The following ABCB8 variants were observed in gnomAD, a reference collection of about 807,000 sequenced individuals.
The protein encoded by ABCB8 is ATP binding cassette subfamily B member 8.
ABCB8 carries 52 observed loss-of-function variants against 73.0 expected under a neutral mutation model. The ratio of observed to expected loss-of-function variants is 0.71; its 90% CI spans 0.57 to 0.90. The LOEUF (loss-of-function observed/expected upper bound fraction) is 0.90, where lower values mean the gene tolerates loss of function less well. Among genes scored for constraint, ABCB8 ranks in the 40% least tolerant of loss-of-function variants. The probability of loss-of-function intolerance (pLI) is 0.00; values close to 1 mark genes in which losing one functional copy is unlikely to be tolerated. For missense variants in ABCB8, 909 were observed against 974.6 expected (o/e 0.93, Z 0.90); for synonymous variants, 428 against 423.5 (o/e 1.01, Z -0.13).
At position 151,035,944 on chromosome 7, in the gene ABCB8, C is replaced by T. The variant is rs1140980; in HGVS notation, c.990C>T (p.Phe330=). 31 of 1,613,816 alleles carry T rather than the reference C, an allele frequency of 1.9e-5. No individual in the cohort carries two copies. Among genetic ancestry groups the T allele is most frequent in the Non-Finnish European group, 2.2e-5 (26 of 1,180,024 alleles). The change falls in exon 7 of 16, where the codon TTC becomes TTT. Residue 330 remains phenylalanine, a synonymous_variant. Coordinates refer to ENST00000358849, the MANE Select transcript of ABCB8 (RefSeq NM_007188.5). The part of the protein sequence containing the change: ...ALGNVRTVRA[F]AMEQREEERY... ...GCAATGTGCGGACTGTGCGTGCCTT[C>T]GCCATGGAGCAACGGGAAGAGGAGT...
Position 151,044,066 on chromosome 7 carries a change from G to A in ABCB8, c.1861G>A (p.Ala621Thr), listed in dbSNP as rs1419202856. The change falls in exon 15 of 16, where the codon GCT becomes ACT. Residue 621 changes from alanine (A) to threonine (T), a missense_variant. Physicochemically the swap from Ala to Thr is moderately conservative, Grantham distance 58. Coordinates refer to ENST00000358849, the MANE Select transcript of ABCB8 (RefSeq NM_007188.5). ...GCCCACGGTGCTGATACTGGATGAA[G>A]CTACCAGCGCGCTGGATGCAGAGTC... ...KQPTVLILDE[A>T]TSALDAESER... The A allele has an allele frequency of 6.2e-7, 1 of 1,613,690 alleles. No individual in the cohort carries two copies. The highest frequency in any genetic ancestry group is 2.2e-5 in the East Asian group (1 of 44,878).
At chr7:151,040,699 G>T in intron 11 of ABCB8, 65 bp downstream of exon 11, 1 of 1,600,322 alleles carries the variant, frequency 6.2e-7, no homozygotes, top group South Asian at 1.1e-5. Flanking sequence ...GTGGATTCGG[G>T]GGTGGAGGTC....
chr7:151,034,255 T>C lies in ABCB8; in HGVS notation c.409-18T>C. On this transcript the variant is annotated intron_variant, in intron 2 of 15. Transcript: ENST00000358849. Reference sequence around the variant, plus strand: ...TCCCCCACTTAAAACATTTGTGCCCTCTGTCTCCCCATTCCAGCTGGCCTT... The same window carrying C: ...TCCCCCACTTAAAACATTTGTGCCCCCTGTCTCCCCATTCCAGCTGGCCTT... The C allele has an allele frequency of 6.2e-7, 1 of 1,603,098 alleles. No individual in the cohort carries two copies. The highest frequency in any genetic ancestry group is 8.5e-7 in the Non-Finnish European group (1 of 1,174,742).
At chr7:151,031,230 C>T (rs370959772) in intron 1 of ABCB8, 15 of 1,495,452 alleles carry the variant, frequency 1.0e-5, no homozygotes, top group Non-Finnish European at 1.4e-5. Context: ...ATATAATTTC[C>T]TGCCTTTCAG....
rs1796322784 is a variant in ABCB8 at position 151,036,809 on chromosome 7, C to A, written c.1217+160C>A. ...GGATGCATAGGGTGGGGAGAGAGAG[C>A]CCCTCAGGGCCCATAACAACCCTCC... On this transcript the variant is annotated intron_variant, in intron 9 of 15. Coordinates refer to ENST00000358849, the MANE Select transcript of ABCB8 (RefSeq NM_007188.5). The A allele has an allele frequency of 5.2e-6, 4 of 763,400 alleles. No homozygotes were observed. The Admixed American group carries it at 5.4e-5, about 10-fold the overall frequency. The allele number at this position is 763,400 out of a possible 1,614,324, so 47.3% of individuals were successfully genotyped here.
chr7:151,044,065 A>G lies in ABCB8; in HGVS notation c.1860A>G (p.Glu620=). 6.2e-7 allele frequency: 1 copy of G among 1,613,664 alleles called. No homozygotes were observed. Among genetic ancestry groups the G allele is most frequent in the Non-Finnish European group, 8.5e-7 (1 of 1,179,970 alleles). ...IKQPTVLILD[E]ATSALDAESE... ...AGCCCACGGTGCTGATACTGGATGAAGCTACCAGCGCGCTGGATGCAGAGT... is the reference window on the plus strand; with the variant it reads ...AGCCCACGGTGCTGATACTGGATGAGGCTACCAGCGCGCTGGATGCAGAGT... The change falls in exon 15 of 16, where the codon GAA becomes GAG. Residue 620 remains glutamate (E), a synonymous_variant. Transcript: ENST00000358849.
rs1478243743 is a variant in ABCB8 at position 151,033,664 on chromosome 7, A to C, written c.155A>C (p.Gln52Pro). ...LLRAVAHLRS[Q>P]LWAHLPRAPL... is the part of the protein sequence containing the mutation. ...CGGGCCGTGGCCCACCTGCGGTCCC[A>C]GCTCTGGGCCCACCTCCCTCGAGCC... The change falls in exon 2 of 16, where the codon CAG becomes CCG. Residue 52 changes from glutamine to proline, a missense_variant. By Grantham distance (76) the Gln-to-Pro change is moderately conservative (BLOSUM62 -1). Transcript: ENST00000358849. The C allele has an allele frequency of 6.2e-7, 1 of 1,607,924 alleles. No individual in the cohort carries two copies. Among genetic ancestry groups the C allele is most frequent in the Admixed American group, 1.7e-5 (1 of 59,488 alleles).
In ABCB8 at chr7:151,046,733, A is replaced by G. The variant is rs4148854; in HGVS notation, c.*1384A>G. On this transcript the variant is annotated 3_prime_UTR_variant, in exon 16 of 16. Coordinates refer to ENST00000358849, the MANE Select transcript of ABCB8 (RefSeq NM_007188.5). ...TGGTACCCTCTTTCAGGGGTGTGATACAGTGCATTGATGGAGCAGCTGGTG... is the reference window on the plus strand; with the variant it reads ...TGGTACCCTCTTTCAGGGGTGTGATGCAGTGCATTGATGGAGCAGCTGGTG... The G allele has an allele frequency of 0.69, 104,795 of 152,154 alleles. 36,804 individuals are homozygous for G. Among genetic ancestry groups the G allele is most frequent in the African/African-American group, 0.83 (34,497 of 41,526 alleles). 9.4% of individuals were successfully genotyped at this position (152,154 alleles called of 1,614,324 possible). A position where few individuals can be genotyped will look rare whatever the true frequency, so the allele number is the denominator to read the frequency against.
chr7:151,028,606 G>A lies in ABCB8; in HGVS notation c.91G>A (p.Val31Ile), dbSNP rs1467075441. 4 of 1,613,490 alleles carry A rather than the reference G, an allele frequency of 2.5e-6. No individual in the cohort carries two copies. Among genetic ancestry groups the A allele is most frequent in the South Asian group, 1.1e-5 (1 of 91,028 alleles). The change falls in exon 1 of 16, where the codon GTC becomes ATC. Residue 31 changes from valine to isoleucine, a missense_variant. Transcript: ENST00000358849. ...CCTCCGCTTCCAGACATTCTCAGCT[G>A]TCAGGTAAAAACGGAAAAACCTACT... ...PPLRFQTFSA[V>I]RYSDGYRSSS...
At position 151,034,799 on chromosome 7, in the gene ABCB8, T is replaced by C. The variant is rs754991894; in HGVS notation, c.735T>C (p.Phe245=). The C allele has an allele frequency of 3.7e-6, 6 of 1,613,862 alleles. No individual in the cohort carries two copies. Among genetic ancestry groups the C allele is most frequent in the African/African-American group, 2.7e-5 (2 of 74,914 alleles). Reference sequence around the variant, plus strand: ...GCTTGACAACTGACGTGCAGGAGTTTAAGTCATCCTTCAAGCTTGTCATCT... The same window carrying C: ...GCTTGACAACTGACGTGCAGGAGTTCAAGTCATCCTTCAAGCTTGTCATCT... The part of the protein sequence containing the change: ...VSRLTTDVQE[F]KSSFKLVISQ... Residue 245 remains phenylalanine, a synonymous_variant, in exon 5 of 16, where the codon TTT becomes TTC. Coordinates refer to ENST00000358849, the MANE Select transcript of ABCB8 (RefSeq NM_007188.5).
chr7:151,040,839 G>A lies in ABCB8; in HGVS notation c.1400G>A (p.Arg467His), dbSNP rs774962122. The change falls in exon 12 of 16, where the codon CGC becomes CAC. Residue 467 changes from arginine to histidine, a missense_variant. Coordinates refer to ENST00000358849, the MANE Select transcript of ABCB8 (RefSeq NM_007188.5). ...TCGGCTCCTCCCAGCTACCCCTGCC[G>A]CCCCGGCTTCGAGGTGCTGAAAGAC... ...FQNVCFSYPC[R>H]PGFEVLKDFT... 5.6e-6 allele frequency: 9 copies of A among 1,594,852 alleles called. No individual in the cohort carries two copies. Among genetic ancestry groups the A allele is most frequent in the African/African-American group, 4.0e-5 (3 of 74,474 alleles).
intron 9 of ABCB8, 147 bp downstream of exon 9, chr7:151,036,796 T>G: frequency 1.3e-6 from 1 of 794,570 alleles, no homozygotes; most frequent in Non-Finnish European, 2.2e-6. Context: ...ATGCATAGGG[T>G]GGGGAGAGAG....
chr7:151,036,705 G>A (rs1796319876), intron 9 of ABCB8, 56 bp downstream of exon 9: 5 of 1,457,582 alleles, frequency 3.4e-6, no homozygotes, highest in South Asian at 1.2e-5. Flanking sequence ...CCAGAGCCCT[G>A]CTGGGTTAGG....
In ABCB8 at chr7:151,035,937, G is replaced by T. The variant is rs778422625; in HGVS notation, c.983G>T (p.Arg328Leu). 6.2e-7 allele frequency: 1 copy of T among 1,613,866 alleles called. No homozygotes were observed. Among genetic ancestry groups the T allele is most frequent in the Admixed American group, 1.7e-5 (1 of 60,024 alleles). The change falls in exon 7 of 16, where the codon CGT becomes CTT. Residue 328 changes from arginine (R) to leucine (L), a missense_variant. Physicochemically the swap from Arg to Leu is moderately radical, Grantham distance 102. Coordinates refer to ENST00000358849, the MANE Select transcript of ABCB8 (RefSeq NM_007188.5). ...DEALGNVRTVRAFAMEQREEE... is the reference protein window; with the variant it reads ...DEALGNVRTVLAFAMEQREEE... The stretch of plus-strand genomic sequence containing the variant: ...GCCCTGGGCAATGTGCGGACTGTGC[G>T]TGCCTTCGCCATGGAGCAACGGGAA...
At chr7:151,032,801 A>T (rs1302289741) in intron 1 of ABCB8, 1 of 331,708 alleles carries the variant, frequency 3.0e-6, no homozygotes, top group Non-Finnish European at 6.1e-6. Flanking sequence ...AGATGACAAG[A>T]TAAGTTATTA....
Position 151,028,483 on chromosome 7 carries a change from T to G in ABCB8, c.-33T>G. ...CTCAGTGGGATGAGGGTGAAACTGC[T>G]ATTGCCGGCGGCTCCTGTTTTACCG... On this transcript the variant is annotated 5_prime_UTR_variant, in exon 1 of 16. Coordinates refer to ENST00000358849, the MANE Select transcript of ABCB8 (RefSeq NM_007188.5). The G allele has an allele frequency of 6.3e-7, 1 of 1,597,926 alleles. No individual in the cohort carries two copies. Among genetic ancestry groups the G allele is most frequent in the Non-Finnish European group, 8.5e-7 (1 of 1,172,456 alleles).
At chr7:151,043,437 G>T (rs1170583288) in intron 14 of ABCB8, among the ~76,000 whole-genome samples, 3 of 147,248 alleles carry the variant, frequency 2.0e-5, no homozygotes, top group African/African-American at 7.7e-5. Context: ...AGTGCGGGGT[G>T]GGGGTCAGAG....
Position 151,045,250 on chromosome 7 carries a change from C to G in ABCB8, c.2058C>G (p.Tyr686Ter), listed in dbSNP as rs754747368. 6.2e-7 allele frequency: 1 copy of G among 1,602,960 alleles called. No individual in the cohort carries two copies. Residue 686 changes from tyrosine to a stop codon, truncating the protein, a stop_gained, in exon 16 of 16, where the codon TAC becomes TAG. Coordinates refer to ENST00000358849, the MANE Select transcript of ABCB8 (RefSeq NM_007188.5). LOFTEE classifies it low-confidence loss of function (END_TRUNC). ...HEELLKKGGL[Y>*]AELIRRQALD... ...AGCTCCTGAAGAAAGGCGGGCTATA[C>G]GCCGAGCTCATCCGGAGGCAGGCCC...
intron 9 of ABCB8, 142 bp downstream of exon 9, chr7:151,036,791 T>A: frequency 1.2e-6 from 1 of 805,276 alleles, no homozygotes; most frequent in South Asian, 1.4e-5. Context: ...CAGGGATGCA[T>A]AGGGTGGGGA....
Sources: gnomAD v4.1 joint callset for allele counts (sites outside exome capture counted in the v4.1 genomes callset) on GRCh38, gnomAD v4.1.1 for gene constraint, MANE v1.5 for transcripts, NCBI Gene and HGNC (gene_info 2026-07-23, HGNC 2026-07-21) for gene names.